KIFAP3: variants seen among roughly 807,000 people sequenced by gnomAD.
The protein encoded by KIFAP3 is kinesin associated protein 3.
In KIFAP3, 68 loss-of-function variants were observed where a neutral mutation model predicts 106.5. That is an observed-to-expected ratio of 0.64 (90% CI 0.53 to 0.78). KIFAP3 has a LOEUF of 0.78. Among genes scored for constraint, KIFAP3 ranks in the 30% least tolerant of loss-of-function variants. The pLI, the probability that KIFAP3 is intolerant of heterozygous loss-of-function variation, is 0.00. For synonymous variants in KIFAP3, 320 were observed against 311.5 expected, an observed-to-expected ratio of 1.03 and a Z score of -0.29; for missense variants, 780 against 941.8, an observed-to-expected ratio of 0.83 and a Z score of 2.25.
At chr1:169,995,715 T>A (rs1449177702) in intron 10 of KIFAP3, among the ~76,000 whole-genome samples, 2 of 151,872 alleles carry the variant, frequency 1.3e-5, no homozygotes, top group African/African-American at 4.8e-5. Flanking sequence ...AATGAAAAAA[T>A]TCTAAAAAGC....
intron 3 of KIFAP3, among the ~76,000 whole-genome samples, chr1:170,040,026 C>T (rs1669892628): frequency 6.6e-6 from 1 of 151,932 alleles, no homozygotes; most frequent in African/African-American, 2.4e-5. Context: ...AGAATGTTAT[C>T]AAAATTTTTG....
chr1:169,976,032 A>G (rs1395440614), intron 16 of KIFAP3, among the ~76,000 whole-genome samples: 1 of 152,180 alleles, frequency 6.6e-6, no homozygotes, highest in African/African-American at 2.4e-5. Flanking sequence ...GTCAAATAGG[A>G]ATTCTCTTAA....
intron 18 of KIFAP3, 84 bp from the exon 19 acceptor site, chr1:169,954,194 T>C: frequency 1.2e-6 from 1 of 803,924 alleles, no homozygotes; most frequent in Non-Finnish European, 2.1e-6. Flanking sequence ...GAAAATAACT[T>C]GTATATTTAA....
intron 11 of KIFAP3, among the ~76,000 whole-genome samples, chr1:169,985,262 T>A (rs958799347): frequency 2.0e-5 from 3 of 151,830 alleles, no homozygotes; most frequent in African/African-American, 7.2e-5. Context: ...TTACCCAGTG[T>A]AGAAAATAGA....
intron 10 of KIFAP3, among the ~76,000 whole-genome samples, chr1:170,010,675 G>A (rs1177102892): frequency 6.6e-6 from 1 of 151,948 alleles, no homozygotes; most frequent in Non-Finnish European, 1.5e-5. Flanking sequence ...AGGAAACTGA[G>A]AAGCAGATTA....
At chr1:169,926,405 C>G (rs945440338) in intron 19 of KIFAP3, among the ~76,000 whole-genome samples, 1 of 152,060 alleles carries the variant, frequency 6.6e-6, no homozygotes, top group Non-Finnish European at 1.5e-5. Context: ...AATGAAGAAG[C>G]TAAAATTAAC....
intron 8 of KIFAP3, among the ~76,000 whole-genome samples, chr1:170,026,935 T>C (rs1267970329): frequency 6.6e-6 from 1 of 151,824 alleles, no homozygotes; most frequent in East Asian, 1.9e-4. Context: ...AATTTAACTA[T>C]GTCCCCAAAT....
chr1:170,048,255 A>C (rs1670366891), intron 2 of KIFAP3, among the ~76,000 whole-genome samples: 1 of 151,166 alleles, frequency 6.6e-6, no homozygotes, highest in Non-Finnish European at 1.5e-5. Context: ...TGTTTACAAG[A>C]AGAACTCTAG....
At position 169,921,382 on chromosome 1, in the gene KIFAP3, A is replaced by G. The variant is rs1192598579; in HGVS notation, c.*294T>C. The G allele has an allele frequency of 4.4e-6, 1 of 227,572 alleles. No individual in the cohort carries two copies. Among genetic ancestry groups the G allele is most frequent in the African/African-American group, 2.3e-5 (1 of 44,244 alleles). 14.1% of individuals were successfully genotyped at this position (227,572 alleles called of 1,614,324 possible). ...AAATTAAATTAGTCACTTAACATACATAATGCAGTGTTTGTTTTCCAGTCT... is the reference window on the plus strand; with the variant it reads ...AAATTAAATTAGTCACTTAACATACGTAATGCAGTGTTTGTTTTCCAGTCT... On this transcript the variant is annotated 3_prime_UTR_variant, in exon 20 of 20. Coordinates refer to ENST00000361580, the MANE Select transcript of KIFAP3 (RefSeq NM_014970.4).
In KIFAP3 at chr1:170,074,489, G is replaced by T; in HGVS notation, c.-22C>A. The T allele has an allele frequency of 1.2e-6, 2 of 1,613,958 alleles. No individual in the cohort carries two copies. The highest frequency in any genetic ancestry group is 3.3e-5 in the Admixed American group (2 of 60,018). The stretch of plus-strand genomic sequence containing the variant: ...GCATGGCGGCAGCGGCAGCGGCGTG[G>T]AGAGGATGGGGTATCTTGAGAGGCA... On this transcript the variant is annotated 5_prime_UTR_variant, in exon 1 of 20. Transcript: ENST00000361580.
At chr1:169,965,277 GATTGA>G (rs1428965872) in intron 17 of KIFAP3, among the ~76,000 whole-genome samples, 1 of 152,118 alleles carries the variant, frequency 6.6e-6, no homozygotes, top group East Asian at 1.9e-4. Flanking sequence ...ATTTAAATCT[GATTGA>G]ATTATCTCAA....
intron 16 of KIFAP3, among the ~76,000 whole-genome samples, chr1:169,974,633 T>C (rs1236787010): frequency 6.6e-6 from 1 of 151,802 alleles, no homozygotes; most frequent in African/African-American, 2.4e-5. Flanking sequence ...GTATTGACTG[T>C]CTCTTTTCTC....
intron 15 of KIFAP3, among the ~76,000 whole-genome samples, chr1:169,981,509 T>G (rs903352722): frequency 2.0e-5 from 3 of 152,218 alleles, no homozygotes; most frequent in Non-Finnish European, 4.4e-5. Context: ...CATACTGTTA[T>G]AATTTTTCTG....
In KIFAP3 at chr1:169,923,832, C is replaced by T. The variant is rs544920368; in HGVS notation, c.2274-2051G>A. Among the ~76,000 whole-genome samples, 82 of 152,316 alleles carry T rather than the reference C, an allele frequency of 5.4e-4. No homozygotes were observed. In the South Asian group the frequency reaches 0.017, roughly 32 times the overall value. ...AGAACAAGGAGCGTCTCAGCTACAACGCTGGTTGTAGCAACCTAGGCAATT... is the reference window on the plus strand; with the variant it reads ...AGAACAAGGAGCGTCTCAGCTACAATGCTGGTTGTAGCAACCTAGGCAATT... On this transcript the variant is annotated intron_variant, in intron 19 of 19. Coordinates refer to ENST00000361580, the MANE Select transcript of KIFAP3 (RefSeq NM_014970.4).
intron 19 of KIFAP3, among the ~76,000 whole-genome samples, chr1:169,946,803 G>A (rs2101826312): frequency 1.3e-5 from 2 of 151,872 alleles, no homozygotes; most frequent in Middle Eastern, 6.8e-3. Flanking sequence ...AGGCTCCTAA[G>A]GTATTCCACC....
At chr1:169,926,145 A>C (rs1323684351) in intron 19 of KIFAP3, among the ~76,000 whole-genome samples, 3 of 152,208 alleles carry the variant, frequency 2.0e-5, no homozygotes, top group Admixed American at 2.0e-4. Flanking sequence ...GGAAGTGCTC[A>C]CTACTTTGTC....
intron 3 of KIFAP3, among the ~76,000 whole-genome samples, chr1:170,040,322 T>C (rs984727044): frequency 1.3e-5 from 2 of 152,196 alleles, no homozygotes; most frequent in African/African-American, 2.4e-5. Flanking sequence ...TTCTAAAAAG[T>C]GTATATTTAA....
intron 1 of KIFAP3, among the ~76,000 whole-genome samples, chr1:170,071,042 A>T (rs538879486): frequency 1.3e-5 from 2 of 152,350 alleles, no homozygotes; most frequent in South Asian, 4.1e-4. Flanking sequence ...ATAAGATACC[A>T]TTTGATATCC....
intron 19 of KIFAP3, among the ~76,000 whole-genome samples, chr1:169,930,835 T>C (rs571261544): frequency 6.6e-6 from 1 of 152,176 alleles, no homozygotes; most frequent in African/African-American, 2.4e-5. Flanking sequence ...ATTTACATAT[T>C]ATCTGCATAG....
Sources: allele counts gnomAD v4.1 joint callset (sites outside exome capture counted in the v4.1 genomes callset), GRCh38; gene constraint gnomAD v4.1.1; transcripts MANE v1.5; gene names NCBI Gene and HGNC (gene_info 2026-07-23, HGNC 2026-07-21).